Variants in TJP1 observed in about 807,000 individuals in gnomAD.
The protein encoded by TJP1 is tight junction protein 1, also known as tight junction protein ZO-1.
A neutral mutation model predicts 194.2 loss-of-function variants in TJP1; 43 were observed. The ratio of observed to expected loss-of-function variants is 0.22; its 90% CI spans 0.17 to 0.29. TJP1 has a LOEUF of 0.29. Ranked by LOEUF, TJP1 falls within the 10% of genes least tolerant of loss-of-function variation. The pLI, the probability that TJP1 is intolerant of heterozygous loss-of-function variation, is 1.00. For missense variants in TJP1, 1,971 were observed against 2,185.7 expected (o/e 0.90, Z 1.96); for synonymous variants, 801 against 779.0 (o/e 1.03, Z -0.47).
At chr15:29,783,778 G>A (rs2047524334) in intron 2 of TJP1, among the ~76,000 whole-genome samples, 1 of 152,162 alleles carries the variant, frequency 6.6e-6, no homozygotes, top group African/African-American at 2.4e-5. Context: ...TGGACACAGA[G>A]GCAACACACT....
intron 11 of TJP1, among the ~76,000 whole-genome samples, chr15:29,734,900 A>G (rs1221706939): frequency 6.6e-6 from 1 of 152,246 alleles, no homozygotes; most frequent in Non-Finnish European, 1.5e-5. Flanking sequence ...AAATTTATTT[A>G]AATAGTATTC....
chr15:29,870,957 C>T (rs549540280), intron 2 of TJP1, among the ~76,000 whole-genome samples: 2 of 152,316 alleles, frequency 1.3e-5, no homozygotes, highest in East Asian at 1.9e-4. Flanking sequence ...CCCAAGGTCA[C>T]GAGGGAACTG....
chr15:29,711,558 G>A (rs929348530), intron 23 of TJP1, among the ~76,000 whole-genome samples: 10 of 152,094 alleles, frequency 6.6e-5, no homozygotes, highest in East Asian at 3.9e-4. Context: ...TAGAGATGGC[G>A]TTTCACCACG....
chr15:29,921,881 G>A (rs956468460), intron 2 of TJP1, among the ~76,000 whole-genome samples: 5 of 142,978 alleles, frequency 3.5e-5, no homozygotes, highest in Non-Finnish European at 4.5e-5. Context: ...TTTTGCTCTC[G>A]TTGCCCAGGC....
chr15:29,955,716 A>C (rs910181584), intron 2 of TJP1, among the ~76,000 whole-genome samples: 2 of 139,064 alleles, frequency 1.4e-5, no homozygotes, highest in African/African-American at 5.4e-5. Flanking sequence ...GCACCACTGC[A>C]CTCCAGTCAG....
chr15:29,700,416 C>A lies in TJP1; in HGVS notation c.*1179G>T, dbSNP rs540608291. 1 of 398,762 alleles carries A rather than the reference C, an allele frequency of 2.5e-6. No individual in the cohort carries two copies. The highest frequency in any genetic ancestry group is 4.4e-6 in the Non-Finnish European group (1 of 226,012). 24.7% of individuals were successfully genotyped at this position (398,762 alleles called of 1,614,324 possible). On this transcript the variant is annotated 3_prime_UTR_variant, in exon 28 of 28. Coordinates refer to ENST00000614355, the MANE Select transcript of TJP1 (RefSeq NM_001330239.4). The stretch of plus-strand genomic sequence containing the variant: ...GAGTAACTGTATCTTTTAAATGCAG[C>A]ACTTAAAAATGTAACAACTCTGTGC...
At chr15:29,833,881 A>ATATATATATATATTTTTTTTTTTTT in intron 2 of TJP1, among the ~76,000 whole-genome samples, 8 of 12,604 alleles carry the variant, frequency 6.3e-4, no homozygotes, top group Admixed American at 2.6e-3. Context: ...ATATATATAT[A>ATATATATATATATTTTTTTTTTTTT]TTTTTTTTTT....
chr15:29,940,881 C>G (rs182754594), intron 2 of TJP1, among the ~76,000 whole-genome samples: 1 of 152,132 alleles, frequency 6.6e-6, no homozygotes, highest in East Asian at 1.9e-4. Context: ...AAGTGACCCC[C>G]ACCCTCGCCC....
chr15:29,884,929 T>C (rs2053065318), intron 2 of TJP1, among the ~76,000 whole-genome samples: 1 of 152,188 alleles, frequency 6.6e-6, no homozygotes, highest in South Asian at 2.1e-4. Flanking sequence ...CAGATATGGA[T>C]GGACAAGGGA....
intron 2 of TJP1, among the ~76,000 whole-genome samples, chr15:29,921,202 T>C (rs1425179048): frequency 6.6e-6 from 1 of 152,188 alleles, no homozygotes; most frequent in Admixed American, 6.5e-5. Context: ...TCAAGCTTCC[T>C]GGCCCTCTGA....
chr15:29,817,509 TCTC>T (rs2050008728), intron 1 of TJP1, among the ~76,000 whole-genome samples: 2 of 152,052 alleles, frequency 1.3e-5, no homozygotes, highest in African/African-American at 2.4e-5. Flanking sequence ...TATAAATCAT[TCTC>T]CTATAAAGAC....
intron 1 of TJP1, among the ~76,000 whole-genome samples, chr15:29,957,363 G>A (rs1794404837): frequency 1.3e-5 from 2 of 152,132 alleles, no homozygotes; most frequent in Admixed American, 6.5e-5. Flanking sequence ...AAAATGGAAA[G>A]TAAAAGCTGC....
Position 29,726,904 on chromosome 15 carries a change from G to C in TJP1, c.2188C>G (p.Pro730Ala). 2 of 1,614,070 alleles carry C rather than the reference G, an allele frequency of 1.2e-6. No homozygotes were observed. Among genetic ancestry groups the C allele is most frequent in the Admixed American group, 1.7e-5 (1 of 60,010 alleles). ...QWYPIVVFLN[P>A]DSKQGVKTMR... ...GTTTTTACTCCTTGCTTAGAATCAG[G>C]GTTAAGAAATACAACAATTGGATAC... Residue 730 changes from proline to alanine, a missense_variant, in exon 17 of 28, where the codon CCT (proline) becomes GCT (alanine). Pro to Ala is a conservative substitution (Grantham distance 27, BLOSUM62 -1). Transcript: ENST00000614355.
In TJP1 at chr15:29,710,779, T is replaced by C. The variant is rs2042191270; in HGVS notation, c.4372+52A>G. On this transcript the variant is annotated intron_variant, in intron 24 of 27. Coordinates refer to ENST00000614355, the MANE Select transcript of TJP1 (RefSeq NM_001330239.4). ...CCATTTTGCCTAGAAACCACCAGAA[T>C]TTTACTTCATAAGCATTACTGTGTT... 44 of 1,609,460 alleles carry C rather than the reference T, an allele frequency of 2.7e-5. No homozygotes were observed. The South Asian group carries it at 4.4e-4, about 16-fold the overall frequency.
At chr15:29,795,345 C>A (rs950128563) in intron 2 of TJP1, among the ~76,000 whole-genome samples, 28 of 151,516 alleles carry the variant, frequency 1.8e-4, no homozygotes, top group African/African-American at 5.8e-4. Flanking sequence ...ATCGCTTCAA[C>A]CGCAGAGGTT....
At chr15:29,809,823 G>A (rs1167332578) in intron 1 of TJP1, among the ~76,000 whole-genome samples, 4 of 151,420 alleles carry the variant, frequency 2.6e-5, no homozygotes, top group Admixed American at 6.6e-5. Flanking sequence ...TCCAGCCTGG[G>A]CAACCAGGAG....
Position 29,704,208 on chromosome 15 carries a change from A to C in TJP1, c.5166T>G (p.Thr1722=). 1 of 1,584,714 alleles carries C rather than the reference A, an allele frequency of 6.3e-7. No homozygotes were observed. Among genetic ancestry groups the C allele is most frequent in the Non-Finnish European group, 8.6e-7 (1 of 1,164,890 alleles). Residue 1722 remains threonine, a synonymous_variant, in exon 27 of 28, where the codon ACT becomes ACG. Transcript: ENST00000614355. ...TTAGAGCAAAAGACCAACCGTCAGG[A>C]GTCATGGACGCACAGTGTGGTAAGC... ...ELRLPHCASM[T]PDGWSFALKS...
intron 26 of TJP1, among the ~76,000 whole-genome samples, chr15:29,705,281 CGTGGCCT>C (rs1352075240): frequency 6.6e-6 from 1 of 152,198 alleles, no homozygotes; most frequent in Non-Finnish European, 1.5e-5. Context: ...TGAGACATCC[CGTGGCCT>C]GTCCTATGCC....
chr15:29,962,674 A>T (rs1480436920), intron 1 of TJP1, among the ~76,000 whole-genome samples: 1 of 152,216 alleles, frequency 6.6e-6, no homozygotes, highest in Admixed American at 6.5e-5. Flanking sequence ...CTTTAAAAGG[A>T]TGCTAAATCC....
Sources: gnomAD v4.1 joint callset for allele counts (sites outside exome capture counted in the v4.1 genomes callset) on GRCh38, gnomAD v4.1.1 for gene constraint, MANE v1.5 for transcripts, NCBI Gene and HGNC (gene_info 2026-07-23, HGNC 2026-07-21) for gene names.